Variants in ZFHX3 observed in about 807,000 individuals in gnomAD.
ZFHX3 encodes zinc finger homeobox protein 3.
In ZFHX3, 42 loss-of-function variants were observed where a neutral mutation model predicts 279.1. The ratio of observed to expected loss-of-function variants is 0.15; its 90% CI spans 0.12 to 0.19. The LOEUF (loss-of-function observed/expected upper bound fraction) is 0.19, where lower values mean the gene tolerates loss of function less well. Ranked by LOEUF, ZFHX3 falls within the 10% of genes least tolerant of loss-of-function variation. The pLI, the probability that ZFHX3 is intolerant of heterozygous loss-of-function variation, is 1.00. For missense variants in ZFHX3, 4,981 were observed against 4,754.0 expected, an observed-to-expected ratio of 1.05 and a Z score of -1.40; for synonymous variants, 2,293 against 1,957.8, an observed-to-expected ratio of 1.17 and a Z score of -4.52.
chr16:73,465,529 C>G (rs915974727), intron 2 of ZFHX3, among the ~76,000 whole-genome samples: 1 of 147,494 alleles, frequency 6.8e-6, no homozygotes, highest in African/African-American at 2.7e-5. Context: ...TCTCCGGTTC[C>G]CCATCACCTA....
intron 2 of ZFHX3, among the ~76,000 whole-genome samples, chr16:73,537,449 T>C (rs935158949): frequency 6.6e-6 from 1 of 151,350 alleles, no homozygotes; most frequent in African/African-American, 2.4e-5. Flanking sequence ...CCCAAGTAGC[T>C]GGGACTACAG....
intron 1 of ZFHX3, among the ~76,000 whole-genome samples, chr16:73,056,068 G>A (rs1965550381): frequency 1.3e-5 from 2 of 152,302 alleles, no homozygotes; most frequent in Middle Eastern, 3.4e-3. Flanking sequence ...GGGGAAGGGA[G>A]ACACACAGAC....
At chr16:73,736,602 C>G (rs1204034854) in intron 1 of ZFHX3, among the ~76,000 whole-genome samples, 1 of 152,158 alleles carries the variant, frequency 6.6e-6, no homozygotes, top group Admixed American at 6.5e-5. Flanking sequence ...AAATGCCCTG[C>G]TTTTCTCTTT....
In ZFHX3 at chr16:73,102,269, G is replaced by C. The variant is rs551232016; in HGVS notation, c.-896-8671C>G. Among the ~76,000 whole-genome samples the C allele has an allele frequency of 5.9e-5, 9 of 152,252 alleles. No individual in the cohort carries two copies. The South Asian group carries it at 1.9e-3, about 32-fold the overall frequency. ...GAAGAACTTGGAAATGTTCACCTGA[G>C]CTCACCTCGAGATGCCAAATGCTGC... On this transcript the variant is annotated intron_variant, in intron 7 of 17. Coordinates refer to the ZFHX3 transcript ENST00000641206.
Position 72,788,723 on chromosome 16 carries a change from G to C in ZFHX3, c.9553C>G (p.Gln3185Glu). 6.2e-7 allele frequency: 1 copy of C among 1,607,562 alleles called. No individual in the cohort carries two copies. The highest frequency in any genetic ancestry group is 8.5e-7 in the Non-Finnish European group (1 of 1,176,668). Residue 3185 changes from glutamine to glutamate, a missense_variant, in exon 10 of 10, where the codon CAA becomes GAA. By Grantham distance (29) the Gln-to-Glu change is conservative. Coordinates refer to ENST00000268489, the MANE Select transcript of ZFHX3 (RefSeq NM_006885.4). ...SASLSSPTPA[Q>E]ATMAMGPQQP... ...TGAGGGCCCATCGCCATCGTGGCTT[G>C]TGCTGGGGTTGGGGAGCTCAGCGAC... is the stretch of plus-strand genomic sequence containing the variant.
At chr16:73,752,550 A>G (rs552739597) in intron 1 of ZFHX3, among the ~76,000 whole-genome samples, 5 of 152,140 alleles carry the variant, frequency 3.3e-5, no homozygotes, top group African/African-American at 1.2e-4. Context: ...GGTCCCCAAC[A>G]GCTCCATGTT....
chr16:73,541,750 C>T (rs1304302162), intron 2 of ZFHX3, among the ~76,000 whole-genome samples: 1 of 150,672 alleles, frequency 6.6e-6, no homozygotes. Flanking sequence ...TCTTCCCTCC[C>T]AGCCCTGTCC....
At chr16:73,810,298 G>A (rs940386561) in intron 1 of ZFHX3, among the ~76,000 whole-genome samples, 3 of 152,120 alleles carry the variant, frequency 2.0e-5, no homozygotes, top group Non-Finnish European at 4.4e-5. Flanking sequence ...GATTAATCTT[G>A]GGAGTATTTG....
intron 3 of ZFHX3, among the ~76,000 whole-genome samples, chr16:73,379,857 G>A (rs577397620): frequency 2.6e-5 from 4 of 152,316 alleles, no homozygotes; most frequent in South Asian, 4.1e-4. Flanking sequence ...CAGAGTGTCT[G>A]TGCAATGCTT....
intron 1 of ZFHX3, among the ~76,000 whole-genome samples, chr16:73,043,588 G>A (rs1022170909): frequency 3.2e-4 from 48 of 152,160 alleles, no homozygotes; most frequent in African/African-American, 1.1e-3. Flanking sequence ...ACTCTCTAGA[G>A]ACACCCCCAT....
intron 1 of ZFHX3, among the ~76,000 whole-genome samples, chr16:73,886,559 CA>C (rs1449431989): frequency 1.3e-5 from 2 of 152,182 alleles, no homozygotes; most frequent in Admixed American, 1.3e-4. Flanking sequence ...CCTTCGACAG[CA>C]TTAGGAATTA....
At chr16:73,331,250 C>T (rs532447572) in intron 3 of ZFHX3, among the ~76,000 whole-genome samples, 1 of 152,146 alleles carries the variant, frequency 6.6e-6, no homozygotes, top group Non-Finnish European at 1.5e-5. Flanking sequence ...GAGGAACCGC[C>T]CCCATAATCT....
At chr16:73,098,130 C>T (rs1483302591) in intron 7 of ZFHX3, among the ~76,000 whole-genome samples, 10 of 148,296 alleles carry the variant, frequency 6.7e-5, no homozygotes, top group East Asian at 2.0e-4. Context: ...TGCAGTGGCA[C>T]GATCTCAGAT....
intron 7 of ZFHX3, chr16:73,125,125 C>T (rs754155870): frequency 2.0e-5 from 3 of 151,202 alleles, no homozygotes; most frequent in Non-Finnish European, 2.9e-5. Flanking sequence ...AGCACCCAGT[C>T]ACTGTTTGCT....
chr16:73,463,084 G>A (rs1261204130), intron 2 of ZFHX3, among the ~76,000 whole-genome samples: 1 of 152,120 alleles, frequency 6.6e-6, no homozygotes, highest in Non-Finnish European at 1.5e-5. Flanking sequence ...CCACAATTAT[G>A]CAAGGTCTGA....
intron 3 of ZFHX3, among the ~76,000 whole-genome samples, chr16:73,449,433 G>A (rs962504391): frequency 3.9e-5 from 6 of 152,120 alleles, no homozygotes; most frequent in Middle Eastern, 3.4e-3. Flanking sequence ...AGGCTGAGGC[G>A]GGAGGATTGC....
At chr16:73,378,175 T>C (rs1331474826) in intron 3 of ZFHX3, among the ~76,000 whole-genome samples, 2 of 151,576 alleles carry the variant, frequency 1.3e-5, no homozygotes, top group Non-Finnish European at 2.9e-5. Context: ...ATTTCTTTCC[T>C]GAAAGGCCTG....
At chr16:73,002,408 G>A (rs1963531511) in intron 1 of ZFHX3, among the ~76,000 whole-genome samples, 1 of 152,108 alleles carries the variant, frequency 6.6e-6, no homozygotes, top group African/African-American at 2.4e-5. Flanking sequence ...AGGTAGATCA[G>A]AGCGTCTTCT....
chr16:73,783,526 C>A (rs1213368932), intron 1 of ZFHX3, among the ~76,000 whole-genome samples: 2 of 152,126 alleles, frequency 1.3e-5, no homozygotes, highest in East Asian at 1.9e-4. Flanking sequence ...GCTTTTTTAA[C>A]CTGGAAAAAC....
Sources: gnomAD v4.1 joint callset for allele counts (sites outside exome capture counted in the v4.1 genomes callset) on GRCh38, gnomAD v4.1.1 for gene constraint, MANE v1.5 for transcripts, NCBI Gene and HGNC (gene_info 2026-07-23, HGNC 2026-07-21) for gene names.